The following IFIT5 variants were observed in gnomAD, a reference collection of about 807,000 sequenced individuals.
IFIT5 encodes interferon-induced protein with tetratricopeptide repeats 5.
Under a neutral mutation model 5.0 loss-of-function variants are expected in IFIT5, and 2 were observed. The observed-to-expected ratio is 0.40, with a 90% CI of 0.16 to 1.26. IFIT5 has a LOEUF of 1.26. Ranked by LOEUF, IFIT5 falls within the 50% of genes most tolerant of loss-of-function variation. IFIT5 has a pLI of 0.33. For synonymous variants in IFIT5, 206 were observed against 204.6 expected, an observed-to-expected ratio of 1.01 and a Z score of -0.06; for missense variants, 524 against 563.2, an observed-to-expected ratio of 0.93 and a Z score of 0.70.
chr10:89,414,907 G>A, intron 1 of IFIT5, 104 bp downstream of exon 1: 2 of 1,431,450 alleles, frequency 1.4e-6, no homozygotes, highest in South Asian at 2.6e-5. Flanking sequence ...CCTTTTCAGG[G>A]GCCGAGCCCC....
intron 1 of IFIT5, among the ~76,000 whole-genome samples, chr10:89,415,826 A>AAATCCTATCAGTTG (rs1841530688): frequency 6.6e-6 from 1 of 152,226 alleles, no homozygotes; most frequent in South Asian, 2.1e-4. Flanking sequence ...GGACAGTAAT[A>AAATCCTATCAGTTG]AATCCTATCA....
At position 89,418,162 on chromosome 10, in the gene IFIT5, A is replaced by T; in HGVS notation, c.963A>T (p.Ser321=). 1 of 1,614,250 alleles carries T rather than the reference A, an allele frequency of 6.2e-7. No individual in the cohort carries two copies. The highest frequency in any genetic ancestry group is 2.2e-5 in the East Asian group (1 of 44,888). The change falls in exon 2 of 2, where the codon TCA becomes TCT. Residue 321 remains serine, a synonymous_variant. Coordinates refer to ENST00000371795, the MANE Select transcript of IFIT5 (RefSeq NM_012420.3). ...KDKLKVDELI[S]SAIFHFKAAM... is the part of the protein sequence containing the mutation. ...AACTAAAGGTTGATGAGCTGATTTC[A>T]TCTGCTATATTTCATTTCAAAGCAG...
At chr10:89,415,342 C>T (rs1463381914) in intron 1 of IFIT5, among the ~76,000 whole-genome samples, 3 of 152,228 alleles carry the variant, frequency 2.0e-5, no homozygotes, top group Non-Finnish European at 4.4e-5. Flanking sequence ...GCGTGCCTCT[C>T]TTTCCAGCTG....
intron 1 of IFIT5, among the ~76,000 whole-genome samples, chr10:89,416,503 CA>C (rs2133652477): frequency 1.3e-5 from 2 of 152,352 alleles, no homozygotes; most frequent in South Asian, 4.1e-4. Flanking sequence ...GACAAAGTTA[CA>C]AAATTAAGTA....
chr10:89,416,269 GACAACA>G (rs971305267), intron 1 of IFIT5, among the ~76,000 whole-genome samples: 1 of 133,968 alleles, frequency 7.5e-6, no homozygotes, highest in Non-Finnish European at 1.6e-5. Context: ...GAAGGGGCTT[GACAACA>G]ACAACAACAA....
Position 89,417,851 on chromosome 10 carries a change from A to G in IFIT5, c.652A>G (p.Lys218Glu). 2.5e-6 allele frequency: 4 copies of G among 1,614,186 alleles called. No homozygotes were observed. Among genetic ancestry groups the G allele is most frequent in the Non-Finnish European group, 2.5e-6 (3 of 1,180,014 alleles). ...VTLNPDNSYI[K>E]VFLALKLQDV... ...CCTGAACCCAGATAACAGCTATATTAAGGTTTTTCTGGCACTGAAGCTTCA... is the reference window on the plus strand; with the variant it reads ...CCTGAACCCAGATAACAGCTATATTGAGGTTTTTCTGGCACTGAAGCTTCA... The change falls in exon 2 of 2, where the codon AAG becomes GAG. Residue 218 changes from lysine (K) to glutamate (E), a missense_variant. Physicochemically the swap from Lys to Glu is moderately conservative, Grantham distance 56. Transcript: ENST00000371795.
chr10:89,416,062 A>G (rs1160833548), intron 1 of IFIT5, among the ~76,000 whole-genome samples: 3 of 152,166 alleles, frequency 2.0e-5, no homozygotes, highest in Non-Finnish European at 4.4e-5. Context: ...AGCTGGGATT[A>G]CAGGCGTGTG....
In IFIT5 at chr10:89,417,248, G is replaced by C. The variant is rs1841547027; in HGVS notation, c.49G>C (p.Glu17Gln). Residue 17 changes from glutamate (E) to glutamine (Q), a missense_variant, in exon 2 of 2, where the codon GAA becomes CAA. By Grantham distance (29) the Glu-to-Gln change is conservative. Coordinates refer to ENST00000371795, the MANE Select transcript of IFIT5 (RefSeq NM_012420.3). ...DTLKAILLEL[E>Q]CHFTWNLLKE... is the part of the protein sequence containing the mutation. ...CTTGAAGGCCATTCTGTTGGAGTTA[G>C]AATGTCATTTTACATGGAATTTACT... 6.2e-7 allele frequency: 1 copy of C among 1,611,062 alleles called. No homozygotes were observed. The highest frequency in any genetic ancestry group is 8.5e-7 in the Non-Finnish European group (1 of 1,177,562).
In IFIT5 at chr10:89,418,742, T is replaced by C. The variant is rs1417757517; in HGVS notation, c.*94T>C. The stretch of plus-strand genomic sequence containing the variant: ...TATTATTTTAATCCCTTGTTTATTA[T>C]AGAGCTAATATTTATTGAATAGTTA... On this transcript the variant is annotated 3_prime_UTR_variant, in exon 2 of 2. Transcript: ENST00000371795. The C allele has an allele frequency of 2.4e-6, 3 of 1,235,350 alleles. No individual in the cohort carries two copies. Among genetic ancestry groups the C allele is most frequent in the Non-Finnish European group, 3.4e-6 (3 of 889,408 alleles). 76.5% of individuals were successfully genotyped at this position (1,235,350 alleles called of 1,614,324 possible).
At chr10:89,415,837 G>C (rs1156329453) in intron 1 of IFIT5, among the ~76,000 whole-genome samples, 3 of 152,180 alleles carry the variant, frequency 2.0e-5, no homozygotes. Flanking sequence ...AATCCTATCA[G>C]TTGACTGCTT....
rs1261961643 is a variant in IFIT5, at chr10:89,414,705, A to C, written c.-94A>C. ...GCCTGGCGCGCGCACGCGCACGCGCACGCCCACCGCGCGGCTTCCCGCGGT... is the reference window on the plus strand; with the variant it reads ...GCCTGGCGCGCGCACGCGCACGCGCCCGCCCACCGCGCGGCTTCCCGCGGT... On this transcript the variant is annotated 5_prime_UTR_variant, in exon 1 of 2. Transcript: ENST00000371795. 4.1e-6 allele frequency: 6 copies of C among 1,479,574 alleles called. No individual in the cohort carries two copies. Among genetic ancestry groups the C allele is most frequent in the Non-Finnish European group, 5.4e-6 (6 of 1,112,290 alleles). 91.7% of individuals were successfully genotyped at this position (1,479,574 alleles called of 1,614,324 possible).
rs761378996 is a variant in IFIT5 at position 89,417,386 on chromosome 10, C to T, written c.187C>T (p.Leu63=). ...LYNLLAYVKH[L]KGQNKDALEC... ...TAACCTATTGGCCTATGTGAAACAC[C>T]TAAAAGGCCAAAATAAAGACGCCCT... Residue 63 remains leucine, a synonymous_variant, in exon 2 of 2, where the codon CTA becomes TTA. Transcript: ENST00000371795. The T allele has an allele frequency of 6.2e-7, 1 of 1,613,950 alleles. No homozygotes were observed. The highest frequency in any genetic ancestry group is 8.5e-7 in the Non-Finnish European group (1 of 1,180,028).
In IFIT5 at chr10:89,418,126, A is replaced by C; in HGVS notation, c.927A>C (p.Lys309Asn). The C allele has an allele frequency of 6.2e-7, 1 of 1,614,240 alleles. No individual in the cohort carries two copies. Among genetic ancestry groups the C allele is most frequent in the Non-Finnish European group, 8.5e-7 (1 of 1,180,038 alleles). Reference sequence around the variant, plus strand: ...AGAAGGCCACACACAACAGACCTAAAGGAAAGGATAAACTAAAGGTTGATG... The same window carrying C: ...AGAAGGCCACACACAACAGACCTAACGGAAAGGATAAACTAAAGGTTGATG... The part of the protein sequence containing the change: ...QIKKATHNRP[K>N]GKDKLKVDEL... Residue 309 changes from lysine (K) to asparagine (N), a missense_variant, in exon 2 of 2, where the codon AAA becomes AAC. Physicochemically the swap from Lys to Asn is moderately conservative, Grantham distance 94. Transcript: ENST00000371795.
rs573921719 is a variant in IFIT5 at position 89,420,697 on chromosome 10, G to C, written c.*2049G>C. ...GTTCCTCAAACTTGGCTACGTATTG[G>C]AATCACCTAAAAAGTTAAAACAAAA... On this transcript the variant is annotated 3_prime_UTR_variant, in exon 2 of 2. Coordinates refer to ENST00000371795, the MANE Select transcript of IFIT5 (RefSeq NM_012420.3). The C allele has an allele frequency of 6.6e-6, 1 of 152,220 alleles. No homozygotes were observed. Among genetic ancestry groups the C allele is most frequent in the East Asian group, 1.9e-4 (1 of 5,182 alleles). 9.4% of individuals were successfully genotyped at this position (152,220 alleles called of 1,614,324 possible). A position where few individuals can be genotyped will look rare whatever the true frequency, so the allele number is the denominator to read the frequency against.
In IFIT5 at chr10:89,417,445, G is replaced by A. The variant is rs1307810162; in HGVS notation, c.246G>A (p.Gln82=). ...ECLEQAEEII[Q]QEHSDKEEVR... ...TGGAACAAGCAGAAGAAATAATCCA[G>A]CAAGAACACTCAGACAAAGAAGAAG... The change falls in exon 2 of 2, where the codon CAG becomes CAA. Residue 82 remains glutamine, a synonymous_variant. Coordinates refer to ENST00000371795, the MANE Select transcript of IFIT5 (RefSeq NM_012420.3). The A allele has an allele frequency of 3.1e-6, 5 of 1,614,172 alleles. No homozygotes were observed. The South Asian group carries it at 5.5e-5, about 18-fold the overall frequency.
rs947749781 is a variant in IFIT5 at position 89,414,731 on chromosome 10, C to T, written c.-68C>T. 2.6e-6 allele frequency: 4 copies of T among 1,564,508 alleles called. No individual in the cohort carries two copies. The highest frequency in any genetic ancestry group is 2.3e-5 in the South Asian group (2 of 86,090). On this transcript the variant is annotated 5_prime_UTR_variant, in exon 1 of 2. Transcript: ENST00000371795. ...CGCCCACCGCGCGGCTTCCCGCGGT[C>T]CCCGGTGCTGAGGAGAGAGCGATCC...
At chr10:89,417,056 A>C in intron 1 of IFIT5, 149 bp from the exon 2 acceptor site, 1 of 606,706 alleles carries the variant, frequency 1.6e-6, no homozygotes, top group Admixed American at 3.2e-5. Context: ...TATAGAAGAA[A>C]CTCTAGTATA....
chr10:89,418,429 AC>A lies in IFIT5; in HGVS notation c.1234del (p.Leu412PhefsTer5). 1 of 1,614,180 alleles carries A rather than the reference AC, an allele frequency of 6.2e-7. No individual in the cohort carries two copies. The highest frequency in any genetic ancestry group is 8.5e-7 in the Non-Finnish European group (1 of 1,180,022). ...AAGCCTTAAAGGTCAAAGACAGATC[AC>A]CCCTTCGCACCAAACTGACAAGTGC... ...LEALKVKDRS[P>X]LRTKLTSALK... On this transcript the variant is annotated frameshift_variant, in exon 2 of 2. Coordinates refer to ENST00000371795, the MANE Select transcript of IFIT5 (RefSeq NM_012420.3). LOFTEE classifies it low-confidence loss of function (END_TRUNC).
rs904606083 is a variant in IFIT5 at position 89,420,193 on chromosome 10, C to T, written c.*1545C>T. The stretch of plus-strand genomic sequence containing the variant: ...TACATATATACTGCAGTGTATCTCA[C>T]GTATTAATTTTTAAAAATCTTTTGT... On this transcript the variant is annotated 3_prime_UTR_variant, in exon 2 of 2. Transcript: ENST00000371795. 3 of 152,074 alleles carry T rather than the reference C, an allele frequency of 2.0e-5. No individual in the cohort carries two copies. The South Asian group carries it at 6.2e-4, about 32-fold the overall frequency. The allele number at this position is 152,074 out of a possible 1,614,324, so 9.4% of individuals were successfully genotyped here. A position where few individuals can be genotyped will look rare whatever the true frequency, so the allele number is the denominator to read the frequency against.
Sources: gnomAD v4.1 joint callset for allele counts (sites outside exome capture counted in the v4.1 genomes callset) on GRCh38, gnomAD v4.1.1 for gene constraint, MANE v1.5 for transcripts, NCBI Gene and HGNC (gene_info 2026-07-23, HGNC 2026-07-21) for gene names.